Variants in PCDHA2 observed in about 807,000 individuals in gnomAD.
PCDHA2 encodes the protein protocadherin alpha 2.
A neutral mutation model predicts 66.0 loss-of-function variants in PCDHA2; 58 were observed. The observed-to-expected ratio is 0.88, with a 90% CI of 0.71 to 1.09. The LOEUF is 1.09. Ranked by LOEUF, PCDHA2 falls within the 50% of genes least tolerant of loss-of-function variation. The pLI, the probability that PCDHA2 is intolerant of heterozygous loss-of-function variation, is 0.00. For missense variants in PCDHA2, 1,267 were observed against 1,242.3 expected, an observed-to-expected ratio of 1.02 and a Z score of -0.30; for synonymous variants, 634 against 554.0, an observed-to-expected ratio of 1.14 and a Z score of -2.03.
intron 1 of PCDHA2, among the ~76,000 whole-genome samples, chr5:140,932,779 G>T (rs556279743): frequency 3.9e-5 from 6 of 151,910 alleles, no homozygotes; most frequent in Non-Finnish European, 8.9e-5. Context: ...TAATTTGAGT[G>T]GACATAAGAG....
In PCDHA2 at chr5:140,796,491, G is replaced by A; in HGVS notation, c.1527G>A (p.Ser509=). 1 of 1,612,282 alleles carries A rather than the reference G, an allele frequency of 6.2e-7. No individual in the cohort carries two copies. The change falls in exon 1 of 4, where the codon TCG becomes TCA. Residue 509 remains serine (S), a synonymous_variant. Transcript: ENST00000526136. ...AGCGCGCGTTGTCGAGCTACGTTTC[G>A]GTGCACGCGGAGAGCGGCAAGGTGT... is the stretch of plus-strand genomic sequence containing the variant. ...VGERALSSYV[S]VHAESGKVYA...
intron 1 of PCDHA2, among the ~76,000 whole-genome samples, chr5:140,915,967 A>G (rs1188377648): frequency 1.3e-5 from 2 of 152,078 alleles, no homozygotes; most frequent in Non-Finnish European, 2.9e-5. Flanking sequence ...TTTGCCTGAT[A>G]TTTTATTTGA....
chr5:140,822,074 A>G (rs1554128431), intron 1 of PCDHA2: 3 of 1,614,224 alleles, frequency 1.9e-6, no homozygotes, highest in Non-Finnish European at 2.5e-6. Flanking sequence ...CGGAGGGCGG[A>G]GTGCAGCATC....
At chr5:140,802,864 T>C (rs1763048911) in intron 1 of PCDHA2, 2 of 1,613,510 alleles carry the variant, frequency 1.2e-6, no homozygotes, top group African/African-American at 1.3e-5. Context: ...GTGTTCGTGC[T>C]GGACGAGAAC....
At chr5:140,926,333 C>A (rs1244364456) in intron 1 of PCDHA2, 3 of 152,288 alleles carry the variant, frequency 2.0e-5, no homozygotes, top group African/African-American at 7.2e-5. Flanking sequence ...GGTCAGAGCG[C>A]CGGGACCCGA....
chr5:140,978,794 TG>T (rs1179958432), intron 1 of PCDHA2, 154 bp from the exon 2 acceptor site: 8 of 978,628 alleles, frequency 8.2e-6, no homozygotes, highest in Non-Finnish European at 9.7e-6. Context: ...GTGCTATATA[TG>T]TAGATATCAT....
At chr5:140,901,502 T>G (rs782679945) in intron 1 of PCDHA2, among the ~76,000 whole-genome samples, 1 of 152,182 alleles carries the variant, frequency 6.6e-6, no homozygotes, top group Non-Finnish European at 1.5e-5. Context: ...CGAAAATGAG[T>G]TCATTATAGA....
intron 1 of PCDHA2, among the ~76,000 whole-genome samples, chr5:140,939,880 G>T (rs2092484713): frequency 6.6e-6 from 1 of 152,140 alleles, no homozygotes; most frequent in African/African-American, 2.4e-5. Context: ...TTTGCTAGTT[G>T]TGTTGTTCAA....
chr5:140,830,176 T>C, intron 1 of PCDHA2: 1 of 1,613,552 alleles, frequency 6.2e-7, no homozygotes, highest in Non-Finnish European at 8.5e-7. Context: ...CGCTGGTGGA[T>C]GTCAACGTGT....
intron 3 of PCDHA2, among the ~76,000 whole-genome samples, chr5:140,986,774 A>G (rs1201484926): frequency 6.6e-6 from 1 of 152,226 alleles, no homozygotes; most frequent in Non-Finnish European, 1.5e-5. Context: ...TTAATTAGGT[A>G]GCGGAAGCCA....
intron 1 of PCDHA2, chr5:140,834,759 A>T: frequency 6.2e-7 from 1 of 1,614,152 alleles, no homozygotes; most frequent in Non-Finnish European, 8.5e-7. Context: ...GGTGAAGGAC[A>T]TTAACGACAA....
At chr5:140,835,918 C>T (rs1554135453) in intron 1 of PCDHA2, 3 of 1,612,332 alleles carry the variant, frequency 1.9e-6, no homozygotes, top group Non-Finnish European at 2.5e-6. Flanking sequence ...TCAGTGCACG[C>T]GGAGAGCGGC....
chr5:140,898,206 T>G (rs1554187858), intron 1 of PCDHA2, among the ~76,000 whole-genome samples: 2 of 152,214 alleles, frequency 1.3e-5, no homozygotes. Context: ...AGATCCCATT[T>G]GTCAATTTTG....
At chr5:140,916,417 A>G (rs2077566178) in intron 1 of PCDHA2, among the ~76,000 whole-genome samples, 1 of 152,246 alleles carries the variant, frequency 6.6e-6, no homozygotes. Flanking sequence ...AAGTCAGCAC[A>G]TCTCAGAACC....
In PCDHA2 at chr5:140,841,984, G is replaced by T. The variant is rs2150326870; in HGVS notation, c.2388+44632G>T. On this transcript the variant is annotated intron_variant, in intron 1 of 3. Coordinates refer to ENST00000526136, the MANE Select transcript of PCDHA2 (RefSeq NM_018905.3). ...CAGCCACAGATGGGGGCAAACCTGA[G>T]CTCACAGGCACTGTTCAGCTGCTGG... 5 of 1,613,848 alleles carry T rather than the reference G, an allele frequency of 3.1e-6. No homozygotes were observed. In the East Asian group the frequency reaches 1.1e-4, roughly 36 times the overall value.
chr5:140,965,690 T>G (rs1203632136), intron 1 of PCDHA2, among the ~76,000 whole-genome samples: 2 of 152,172 alleles, frequency 1.3e-5, no homozygotes, highest in Admixed American at 1.3e-4. Context: ...TGAAGCAAGA[T>G]TAGAAAAAGC....
chr5:140,941,185 CTTT>C (rs782102770), intron 1 of PCDHA2, among the ~76,000 whole-genome samples: 1 of 102,176 alleles, frequency 9.8e-6, no homozygotes, highest in Admixed American at 9.9e-5. Flanking sequence ...CATCCTGCTT[CTTT>C]TTTTTTCTTT....
chr5:140,822,181 G>A, intron 1 of PCDHA2: 1 of 1,614,198 alleles, frequency 6.2e-7, no homozygotes, highest in Non-Finnish European at 8.5e-7. Flanking sequence ...CTCCAGACAA[G>A]AACAAAGATT....
At chr5:140,822,791 T>C (rs1231627959) in intron 1 of PCDHA2, 1 of 1,614,078 alleles carries the variant, frequency 6.2e-7, no homozygotes, top group East Asian at 2.2e-5. Context: ...GTAGTGAAAC[T>C]CCTGGATGTG....
Sources: allele counts gnomAD v4.1 joint callset (sites outside exome capture counted in the v4.1 genomes callset), GRCh38; gene constraint gnomAD v4.1.1; transcripts MANE v1.5; gene names NCBI Gene and HGNC (gene_info 2026-07-23, HGNC 2026-07-21).